Variants in SMIM35 observed in about 807,000 individuals in gnomAD.
SMIM35 encodes small integral membrane protein 35, also known as TMPRSS4 antisense RNA 1 (non-protein coding).
chr11:118,010,486 C>T (rs534829536), intron 4 of SMIM35, among the ~76,000 whole-genome samples: 3 of 152,358 alleles, frequency 2.0e-5, no homozygotes, highest in Middle Eastern at 3.4e-3. Flanking sequence ...CACTGACCTC[C>T]TCCAGCACGC....
intron 1 of SMIM35, among the ~76,000 whole-genome samples, chr11:118,046,284 G>A (rs1944095920): frequency 6.6e-6 from 1 of 152,148 alleles, no homozygotes; most frequent in African/African-American, 2.4e-5. Flanking sequence ...CATAAAACAA[G>A]GCTCAGAGTC....
chr11:118,076,279 A>G (rs1944683695), intron 1 of SMIM35, among the ~76,000 whole-genome samples: 2 of 151,116 alleles, frequency 1.3e-5, no homozygotes, highest in African/African-American at 4.9e-5. Context: ...AAATAAAATA[A>G]AATACAAAAA....
At chr11:118,032,563 T>C (rs2058328104) in intron 1 of SMIM35, among the ~76,000 whole-genome samples, 1 of 152,174 alleles carries the variant, frequency 6.6e-6, no homozygotes, top group South Asian at 2.1e-4. Context: ...TTTTATATCT[T>C]CCTGCATAGT....
chr11:118,050,267 C>A (rs948726905), intron 1 of SMIM35, among the ~76,000 whole-genome samples: 1 of 152,250 alleles, frequency 6.6e-6, no homozygotes. Flanking sequence ...CACAGAACAT[C>A]TTCCTTCACC....
At chr11:118,018,364 G>A (rs1185062054) in intron 1 of SMIM35, among the ~76,000 whole-genome samples, 1 of 152,138 alleles carries the variant, frequency 6.6e-6, no homozygotes, top group African/African-American at 2.4e-5. Flanking sequence ...AGGGAATGAT[G>A]CTGGAGAAGG....
chr11:118,051,666 AG>A lies in SMIM35; in HGVS notation c.7+35084del, dbSNP rs1944215733. On this transcript the variant is annotated intron_variant, in intron 1 of 4. Coordinates refer to ENST00000689828, the MANE Select transcript of SMIM35 (RefSeq NM_001394165.1). Reference sequence around the variant, plus strand: ...TCACTACAGTGCAGACAGTGTAACAAGGGCTGCCAGCTCCACCCCACCTGTG... The same window carrying A: ...TCACTACAGTGCAGACAGTGTAACAAGGCTGCCAGCTCCACCCCACCTGTG... Among the ~76,000 whole-genome samples, 3 of 152,300 alleles carry A rather than the reference AG, an allele frequency of 2.0e-5. No homozygotes were observed. The South Asian group carries it at 6.2e-4, about 32-fold the overall frequency.
chr11:118,082,420 G>A (rs1201171770), intron 1 of SMIM35, among the ~76,000 whole-genome samples: 2 of 152,148 alleles, frequency 1.3e-5, no homozygotes, highest in Non-Finnish European at 2.9e-5. Flanking sequence ...CATTAGCCGA[G>A]CGCAGTAGCT....
At chr11:118,069,071 G>A (rs74814880) in intron 1 of SMIM35, among the ~76,000 whole-genome samples, 3,045 of 152,202 alleles carry the variant, frequency 0.02, 44 homozygotes, top group African/African-American at 0.048. Context: ...TCTTCCCCCC[G>A]TCAGTCCTCT....
rs1393213585 is a variant in SMIM35, at chr11:118,079,714, CAG to C, written c.7+7035_7+7036del. ...TCCTGTTTTCCGTGCCAGCCTGGTA[CAG>C]AGTCAAGGGGCTTGGCTGGGCTTGG... On this transcript the variant is annotated intron_variant, in intron 1 of 4. Transcript: ENST00000689828. Among the ~76,000 whole-genome samples the C allele has an allele frequency of 2.1e-5, 3 of 140,462 alleles. No homozygotes were observed. The East Asian group carries it at 5.9e-4, about 28-fold the overall frequency. 92.1% of individuals were successfully genotyped at this position (140,462 alleles called of 152,430 possible).
At chr11:118,007,352 G>A (rs1009613147) in intron 4 of SMIM35, among the ~76,000 whole-genome samples, 3 of 152,170 alleles carry the variant, frequency 2.0e-5, no homozygotes, top group Non-Finnish European at 2.9e-5. Context: ...GAGAGCTTGC[G>A]CTCACCAGCT....
At chr11:118,062,700 C>A (rs576111161) in intron 1 of SMIM35, among the ~76,000 whole-genome samples, 10 of 152,336 alleles carry the variant, frequency 6.6e-5, no homozygotes, top group African/African-American at 2.4e-4. Context: ...TGAGTTTCTG[C>A]CTCTTCGTTG....
chr11:118,041,828 A>T lies in SMIM35; in HGVS notation c.8-26019T>A, dbSNP rs1398228564. Among the ~76,000 whole-genome samples, 3 of 152,094 alleles carry T rather than the reference A, an allele frequency of 2.0e-5. No homozygotes were observed. The East Asian group carries it at 5.8e-4, about 29-fold the overall frequency. On this transcript the variant is annotated intron_variant, in intron 1 of 4. Coordinates refer to ENST00000689828, the MANE Select transcript of SMIM35 (RefSeq NM_001394165.1). ...CACTTTGGGAGGCCGAAGTCGGTGG[A>T]TCACTTGAGGTTGGGAGTTCAAGAC...
At chr11:118,067,032 C>T (rs1164086692) in intron 1 of SMIM35, among the ~76,000 whole-genome samples, 1 of 152,050 alleles carries the variant, frequency 6.6e-6, no homozygotes, top group African/African-American at 2.4e-5. Context: ...CAGGAAATTT[C>T]CTAAATACCT....
chr11:118,014,074 G>T (rs142019643), intron 3 of SMIM35, among the ~76,000 whole-genome samples, 194 bp from the exon 4 acceptor site: 1 of 152,142 alleles, frequency 6.6e-6, no homozygotes, highest in African/African-American at 2.4e-5. Flanking sequence ...GATGACCAAC[G>T]CCAAGAGGAC....
At chr11:118,034,777 C>T (rs1013049176) in intron 1 of SMIM35, among the ~76,000 whole-genome samples, 13 of 152,180 alleles carry the variant, frequency 8.5e-5, no homozygotes, top group African/African-American at 3.1e-4. Flanking sequence ...TTTCTATATG[C>T]ACCAAGCTAT....
intron 1 of SMIM35, among the ~76,000 whole-genome samples, chr11:118,044,174 T>G (rs1944053141): frequency 2.0e-5 from 3 of 152,094 alleles, no homozygotes; most frequent in Admixed American, 2.0e-4. Context: ...CCTGCAGATA[T>G]GTAACACTCA....
intron 1 of SMIM35, among the ~76,000 whole-genome samples, chr11:118,036,029 A>G (rs2058357293): frequency 6.6e-6 from 1 of 152,134 alleles, no homozygotes; most frequent in African/African-American, 2.4e-5. Context: ...CTGGGATTAC[A>G]GGCACCTGCC....
chr11:118,064,409 T>C (rs937892973), intron 1 of SMIM35, among the ~76,000 whole-genome samples: 1 of 152,222 alleles, frequency 6.6e-6, no homozygotes, highest in Non-Finnish European at 1.5e-5. Context: ...TTGGCGGTTC[T>C]GGGTGTCATC....
At chr11:118,028,607 G>A in intron 1 of SMIM35, 1 of 229,662 alleles carries the variant, frequency 4.4e-6, no homozygotes, top group Non-Finnish European at 8.9e-6. Context: ...TGTTGACATG[G>A]GAAACTTGGG....
Sources: allele counts gnomAD v4.1 joint callset (sites outside exome capture counted in the v4.1 genomes callset), GRCh38; gene constraint gnomAD v4.1.1; transcripts MANE v1.5; gene names NCBI Gene and HGNC (gene_info 2026-07-23, HGNC 2026-07-21).